Variants in GRAMD4 observed in about 807,000 individuals in gnomAD.
GRAMD4 encodes the protein GRAM domain containing 4.
In GRAMD4, 25 loss-of-function variants were observed where a neutral mutation model predicts 83.9. The ratio of observed to expected loss-of-function variants is 0.30; its 90% CI spans 0.22 to 0.42. The LOEUF (loss-of-function observed/expected upper bound fraction) is 0.42. Among genes scored for constraint, GRAMD4 ranks in the 10% least tolerant of loss-of-function variants. GRAMD4 has a pLI of 1.00. For missense variants in GRAMD4, 593 were observed against 788.7 expected, an observed-to-expected ratio of 0.75 and a Z score of 2.97; for synonymous variants, 336 against 320.9, an observed-to-expected ratio of 1.05 and a Z score of -0.50.
chr22:46,611,762 G>A (rs1210397367), intron 1 of GRAMD4, among the ~76,000 whole-genome samples: 1 of 151,656 alleles, frequency 6.6e-6, no homozygotes, highest in Non-Finnish European at 1.5e-5. Flanking sequence ...AGGCCGAGGT[G>A]GGTGGATCAC....
At chr22:46,611,237 A>T (rs1166583420) in intron 1 of GRAMD4, among the ~76,000 whole-genome samples, 2 of 150,644 alleles carry the variant, frequency 1.3e-5, no homozygotes, top group South Asian at 4.2e-4. Context: ...AATATTAAAT[A>T]AAAAATAAAC....
rs916360105 is a variant in GRAMD4, at chr22:46,678,335, C to T, written c.*1084C>T. On this transcript the variant is annotated 3_prime_UTR_variant, in exon 19 of 19. Transcript: ENST00000406902. ...GGCCTGGGCCTGCACTGCCTGCAGCCGACATGCGACAGCGTTCCCTCCCCC... is the reference window on the plus strand; with the variant it reads ...GGCCTGGGCCTGCACTGCCTGCAGCTGACATGCGACAGCGTTCCCTCCCCC... The T allele has an allele frequency of 4.7e-5, 46 of 985,498 alleles. No homozygotes were observed. The highest frequency in any genetic ancestry group is 5.5e-5 in the Non-Finnish European group (46 of 829,988). The allele number at this position is 985,498 out of a possible 1,614,324, so 61.0% of individuals were successfully genotyped here.
intron 3 of GRAMD4, among the ~76,000 whole-genome samples, chr22:46,652,098 C>T (rs1054554954): frequency 5.9e-5 from 9 of 152,118 alleles, no homozygotes; most frequent in Non-Finnish European, 4.4e-5. Flanking sequence ...GTGTCCATGT[C>T]CCCCCAGCCT....
chr22:46,656,950 C>G lies in GRAMD4; in HGVS notation c.284-1237C>G, dbSNP rs547975747. Among the ~76,000 whole-genome samples the G allele has an allele frequency of 7.2e-5, 11 of 152,350 alleles. No individual in the cohort carries two copies. The East Asian group carries it at 2.1e-3, about 29-fold the overall frequency. Reference sequence around the variant, plus strand: ...CAGCCACCATGGGCCACAGCCAGCCCTCAGCCACCATAGGCCACAGCCAGG... The same window carrying G: ...CAGCCACCATGGGCCACAGCCAGCCGTCAGCCACCATAGGCCACAGCCAGG... On this transcript the variant is annotated intron_variant, in intron 3 of 18. Transcript: ENST00000406902.
chr22:46,611,333 T>G (rs556716149), intron 1 of GRAMD4, among the ~76,000 whole-genome samples: 14 of 152,170 alleles, frequency 9.2e-5, no homozygotes, highest in Non-Finnish European at 1.8e-4. Context: ...ATGGATGGAT[T>G]AATAGAGGCA....
intron 1 of GRAMD4, among the ~76,000 whole-genome samples, chr22:46,585,208 T>A (rs1384796523): frequency 6.8e-6 from 1 of 147,596 alleles, no homozygotes; most frequent in Non-Finnish European, 1.5e-5. Context: ...TTTTTTTTTT[T>A]AGATGGAGTT....
rs2082622108 is a variant in GRAMD4 at position 46,677,859 on chromosome 22, C to T, written c.*608C>T. The T allele has an allele frequency of 1.0e-6, 1 of 985,342 alleles. No individual in the cohort carries two copies. Among genetic ancestry groups the T allele is most frequent in the South Asian group, 4.7e-5 (1 of 21,296 alleles). The allele number at this position is 985,342 out of a possible 1,614,324, so 61.0% of individuals were successfully genotyped here. A position where few individuals can be genotyped will look rare whatever the true frequency, so the allele number is the denominator to read the frequency against. On this transcript the variant is annotated 3_prime_UTR_variant, in exon 19 of 19. Coordinates refer to ENST00000406902, the MANE Select transcript of GRAMD4 (RefSeq NM_015124.5). The stretch of plus-strand genomic sequence containing the variant: ...GCGCAGTGACCCTGCCTGCGCTCCA[C>T]ACTCGCTCCACGGGAACAGAGAGGG...
intron 3 of GRAMD4, among the ~76,000 whole-genome samples, chr22:46,654,209 A>G (rs558599040): frequency 7.9e-4 from 121 of 152,290 alleles, no homozygotes; most frequent in Non-Finnish European, 1.6e-3. Flanking sequence ...GTGGGCCAAG[A>G]TGCCCAGGCT....
At chr22:46,628,949 G>T (rs989293356) in intron 2 of GRAMD4, among the ~76,000 whole-genome samples, 7 of 152,084 alleles carry the variant, frequency 4.6e-5, no homozygotes, top group Non-Finnish European at 8.8e-5. Flanking sequence ...TGGTGGGCAG[G>T]TGGTGGTCCA....
chr22:46,607,926 G>C (rs2081381078), intron 1 of GRAMD4, among the ~76,000 whole-genome samples: 1 of 152,136 alleles, frequency 6.6e-6, no homozygotes. Flanking sequence ...GCACCTTCCT[G>C]GGCTGGTGCC....
At chr22:46,638,630 C>G (rs1246276812) in intron 3 of GRAMD4, among the ~76,000 whole-genome samples, 1 of 152,186 alleles carries the variant, frequency 6.6e-6, no homozygotes. Context: ...CAAAGTGATG[C>G]CTGACTAGTA....
intron 3 of GRAMD4, among the ~76,000 whole-genome samples, chr22:46,643,173 A>G (rs1354278003): frequency 1.5e-5 from 2 of 133,082 alleles, no homozygotes; most frequent in East Asian, 2.0e-4. Flanking sequence ...CCATCCATCC[A>G]TCCATCCATC....
At chr22:46,674,099 G>A (rs758681951) in intron 15 of GRAMD4, among the ~76,000 whole-genome samples, 1 of 152,230 alleles carries the variant, frequency 6.6e-6, no homozygotes, top group Non-Finnish European at 1.5e-5. Context: ...AGTCCAGGGC[G>A]AGGCCTCAGG....
At chr22:46,628,969 A>T (rs566942957) in intron 2 of GRAMD4, among the ~76,000 whole-genome samples, 1 of 151,782 alleles carries the variant, frequency 6.6e-6, no homozygotes, top group African/African-American at 2.4e-5. Flanking sequence ...ACGAGGTACA[A>T]GGGGGCTTGA....
chr22:46,649,384 G>A (rs186474914), intron 3 of GRAMD4, among the ~76,000 whole-genome samples: 15 of 152,322 alleles, frequency 9.8e-5, no homozygotes, highest in South Asian at 4.1e-4. Context: ...TCCTGGCTCC[G>A]TGCTGGGCCG....
In GRAMD4 at chr22:46,668,700, G is replaced by A. The variant is rs1295496887; in HGVS notation, c.942G>A (p.Gly314=). 2 of 1,612,700 alleles carry A rather than the reference G, an allele frequency of 1.2e-6. No individual in the cohort carries two copies. The highest frequency in any genetic ancestry group is 4.5e-5 in the East Asian group (2 of 44,874). The change falls in exon 12 of 19, where the codon GGG becomes GGA. Residue 314 remains glycine, a synonymous_variant. Transcript: ENST00000406902. The part of the protein sequence containing the change: ...DVAQKAQNLF[G]KMADILEKIK... ...TCTCCTTCACACAGAACCTTTTCGG[G>A]AAGATGGCTGACATCCTGGAGAAGA...
intron 1 of GRAMD4, among the ~76,000 whole-genome samples, chr22:46,608,274 T>A (rs994339092): frequency 4.6e-5 from 7 of 152,354 alleles, no homozygotes; most frequent in African/African-American, 1.7e-4. Flanking sequence ...CTCTCAGGCC[T>A]GTCAGGACAC....
intron 1 of GRAMD4, among the ~76,000 whole-genome samples, chr22:46,583,200 A>G (rs1424641085): frequency 6.6e-6 from 1 of 152,252 alleles, no homozygotes; most frequent in Non-Finnish European, 1.5e-5. Flanking sequence ...CTGGGATTAC[A>G]GGTGTGAGCC....
chr22:46,611,427 A>G (rs1308358963), intron 1 of GRAMD4, among the ~76,000 whole-genome samples: 1 of 152,054 alleles, frequency 6.6e-6, no homozygotes, highest in Non-Finnish European at 1.5e-5. Flanking sequence ...CATGGAGTCC[A>G]GTGGAGTCAG....
Sources: allele counts gnomAD v4.1 joint callset (sites outside exome capture counted in the v4.1 genomes callset), GRCh38; gene constraint gnomAD v4.1.1; transcripts MANE v1.5; gene names NCBI Gene and HGNC (gene_info 2026-07-23, HGNC 2026-07-21).